The following POLR3B variants were observed in gnomAD, a reference collection of about 807,000 sequenced individuals.
The protein encoded by POLR3B is RNA polymerase III subunit B, also known as DNA-directed RNA polymerase III subunit RPC2.
In POLR3B, 96 loss-of-function variants were observed where a neutral mutation model predicts 147.4. The observed-to-expected ratio is 0.65, with a 90% confidence interval of 0.55 to 0.77. POLR3B has a LOEUF of 0.77. Ranked by LOEUF, POLR3B falls within the 30% of genes least tolerant of loss-of-function variation. The pLI is 0.00. For synonymous variants in POLR3B, 461 were observed against 485.9 expected, an observed-to-expected ratio of 0.95 and a Z score of 0.67; for missense variants, 1,036 against 1,413.5, an observed-to-expected ratio of 0.73 and a Z score of 4.28.
intron 10 of POLR3B, among the ~76,000 whole-genome samples, chr12:106,403,530 A>G (rs2037102893): frequency 6.6e-6 from 1 of 152,146 alleles, no homozygotes; most frequent in African/African-American, 2.4e-5. Flanking sequence ...CTGCGGCACT[A>G]TTCACAATAG....
At chr12:106,480,000 G>GT (rs36096330) in intron 23 of POLR3B, among the ~76,000 whole-genome samples, 21,713 of 144,906 alleles carry the variant, frequency 0.15, 2,314 homozygotes, top group African/African-American at 0.3. Context: ...TTGTTTTTGG[G>GT]TTTTTTTTTT....
intron 12 of POLR3B, among the ~76,000 whole-genome samples, chr12:106,416,206 T>C (rs2136942746): frequency 6.6e-6 from 1 of 152,334 alleles, no homozygotes; most frequent in South Asian, 2.1e-4. Context: ...GCCCTTTGAC[T>C]TAAGGGGGAA....
At chr12:106,391,792 C>G (rs1350475492) in intron 9 of POLR3B, among the ~76,000 whole-genome samples, 1 of 152,192 alleles carries the variant, frequency 6.6e-6, no homozygotes, top group Non-Finnish European at 1.5e-5. Flanking sequence ...GGATAATGTC[C>G]TTGATTTTCT....
chr12:106,413,397 T>C (rs1488703818), intron 12 of POLR3B, among the ~76,000 whole-genome samples: 1 of 152,112 alleles, frequency 6.6e-6, no homozygotes, highest in Non-Finnish European at 1.5e-5. Flanking sequence ...TTTGTTTTTA[T>C]TTTTTTACTT....
At chr12:106,397,876 T>A (rs1349383730) in intron 10 of POLR3B, among the ~76,000 whole-genome samples, 1 of 152,220 alleles carries the variant, frequency 6.6e-6, no homozygotes, top group African/African-American at 2.4e-5. Context: ...GGAGCCAAGA[T>A]GGCCAAATAG....
At chr12:106,412,180 T>A (rs566908947) in intron 12 of POLR3B, among the ~76,000 whole-genome samples, 5 of 152,304 alleles carry the variant, frequency 3.3e-5, no homozygotes, top group African/African-American at 1.2e-4. Flanking sequence ...AGGCTCTGAA[T>A]TCTGCTGTAT....
At chr12:106,450,007 A>G (rs139675161) in intron 19 of POLR3B, among the ~76,000 whole-genome samples, 2 of 152,346 alleles carry the variant, frequency 1.3e-5, no homozygotes, top group Admixed American at 6.5e-5. Context: ...CTATAAAGCT[A>G]CAGTAATACA....
intron 9 of POLR3B, among the ~76,000 whole-genome samples, chr12:106,387,324 T>C (rs2036854458): frequency 6.6e-6 from 1 of 152,234 alleles, no homozygotes; most frequent in South Asian, 2.1e-4. Flanking sequence ...ACTTAACCAC[T>C]TTCCTCTAGT....
intron 23 of POLR3B, among the ~76,000 whole-genome samples, chr12:106,468,659 T>C (rs1338456629): frequency 2.0e-5 from 3 of 152,214 alleles, no homozygotes; most frequent in Non-Finnish European, 4.4e-5. Flanking sequence ...TTCTCATTGG[T>C]TTCAAAGAAC....
intron 12 of POLR3B, among the ~76,000 whole-genome samples, chr12:106,416,404 C>T (rs976295882): frequency 6.6e-6 from 1 of 152,160 alleles, no homozygotes; most frequent in Non-Finnish European, 1.5e-5. Context: ...CATTTGAATC[C>T]TCCATGTGCC....
At chr12:106,455,685 C>T (rs1257733215) in intron 20 of POLR3B, among the ~76,000 whole-genome samples, 1 of 152,176 alleles carries the variant, frequency 6.6e-6, no homozygotes, top group East Asian at 1.9e-4. Context: ...TCACATTGCA[C>T]TCCAGCATGT....
At chr12:106,450,245 G>A (rs2037778277) in intron 19 of POLR3B, among the ~76,000 whole-genome samples, 1 of 152,074 alleles carries the variant, frequency 6.6e-6, no homozygotes, top group South Asian at 2.1e-4. Flanking sequence ...ATATATTATA[G>A]CCCTAAATGT....
At chr12:106,491,660 C>T (rs1358117404) in intron 23 of POLR3B, among the ~76,000 whole-genome samples, 2 of 152,172 alleles carry the variant, frequency 1.3e-5, no homozygotes, top group Non-Finnish European at 1.5e-5. Flanking sequence ...CAGATGTGCT[C>T]CACATCATTT....
At chr12:106,398,167 G>A (rs561126685) in intron 10 of POLR3B, among the ~76,000 whole-genome samples, 2 of 152,332 alleles carry the variant, frequency 1.3e-5, no homozygotes, top group African/African-American at 4.8e-5. Context: ...CTTAAGAAAC[G>A]GCACACCAGG....
intron 9 of POLR3B, among the ~76,000 whole-genome samples, chr12:106,390,553 G>C (rs1269031133): frequency 6.6e-6 from 1 of 151,566 alleles, no homozygotes; most frequent in Non-Finnish European, 1.5e-5. Flanking sequence ...TCCATGAAAG[G>C]CTTAGTGTTT....
At chr12:106,479,021 A>G (rs1476330516) in intron 23 of POLR3B, among the ~76,000 whole-genome samples, 2 of 152,028 alleles carry the variant, frequency 1.3e-5, no homozygotes, top group African/African-American at 4.8e-5. Flanking sequence ...TCTCTCTGGA[A>G]GCTTTTACTA....
In POLR3B at chr12:106,381,933, C is replaced by T. The variant is rs977857424; in HGVS notation, c.723+1794C>T. On this transcript the variant is annotated intron_variant, in intron 9 of 27. Transcript: ENST00000228347. Reference sequence around the variant, plus strand: ...TGGGGAGTTCCCTCCTCCTTTTAGACCATATAGGGTAACTTCCTGACGTTG... The same window carrying T: ...TGGGGAGTTCCCTCCTCCTTTTAGATCATATAGGGTAACTTCCTGACGTTG... 2.6e-5 allele frequency: 4 copies of T among 152,306 alleles called. No individual in the cohort carries two copies. The East Asian group carries it at 5.8e-4, about 22-fold the overall frequency. 9.4% of individuals were successfully genotyped at this position (152,306 alleles called of 1,614,324 possible). A position where few individuals can be genotyped will look rare whatever the true frequency, so the allele number is the denominator to read the frequency against.
Position 106,437,139 on chromosome 12 carries a change from G to A in POLR3B, c.1856+8G>A, listed in dbSNP as rs1188561458. 1.3e-6 allele frequency: 2 copies of A among 1,595,178 alleles called. No individual in the cohort carries two copies. The highest frequency in any genetic ancestry group is 1.7e-6 in the Non-Finnish European group (2 of 1,163,690). ...GCTGGCCCAAGGGTACAGGTAAGTA[G>A]CCAAAAGTAAAACTTACCAATCTCC... On this transcript the variant is annotated splice_region_variant and intron_variant, in intron 17 of 27. Transcript: ENST00000228347.
At chr12:106,486,750 T>A (rs1175809634) in intron 23 of POLR3B, among the ~76,000 whole-genome samples, 1 of 152,218 alleles carries the variant, frequency 6.6e-6, no homozygotes, top group African/African-American at 2.4e-5. Context: ...GTCCCTTTCC[T>A]TCTAAAATCA....
Sources: gnomAD v4.1 joint callset for allele counts (sites outside exome capture counted in the v4.1 genomes callset) on GRCh38, gnomAD v4.1.1 for gene constraint, MANE v1.5 for transcripts, NCBI Gene and HGNC (gene_info 2026-07-23, HGNC 2026-07-21) for gene names.